Variants in CAD observed in about 807,000 individuals in gnomAD.
The protein encoded by CAD is multifunctional protein CAD.
A neutral mutation model predicts 237.2 loss-of-function variants in CAD; 81 were observed. That is an observed-to-expected ratio of 0.34 (90% confidence interval 0.29 to 0.41). CAD has a LOEUF of 0.41. CAD is among the 10% of genes least tolerant of loss of function. The pLI is 1.00. For missense variants in CAD, 2,181 were observed against 2,951.7 expected (o/e 0.74, Z 6.05); for synonymous variants, 1,196 against 1,162.8 (o/e 1.03, Z -0.58).
intron 12 of CAD, 53 bp from the exon 13 acceptor site, chr2:27,226,078 C>A: frequency 6.4e-7 from 1 of 1,567,574 alleles, no homozygotes; most frequent in South Asian, 1.1e-5. Flanking sequence ...GTGCAGCCTT[C>A]TGCCTCTCCT....
At chr2:27,234,385 A>C (rs1675904411) in intron 22 of CAD, 133 bp from the exon 23 acceptor site, 1 of 1,130,364 alleles carries the variant, frequency 8.8e-7, no homozygotes. Context: ...GTTGGGGCTT[A>C]TGACAGTCAG....
At chr2:27,220,480 C>T (rs1675105185) in intron 2 of CAD, among the ~76,000 whole-genome samples, 1 of 146,784 alleles carries the variant, frequency 6.8e-6, no homozygotes, top group African/African-American at 2.7e-5. Context: ...GAGACGCTGT[C>T]ACTACAAAAA....
chr2:27,221,688 G>A (rs553839841), intron 3 of CAD, among the ~76,000 whole-genome samples: 9 of 147,242 alleles, frequency 6.1e-5, no homozygotes, highest in South Asian at 4.3e-4. Context: ...TCATAATAAC[G>A]TCATACACTA....
Position 27,233,193 on chromosome 2 carries a change from C to G in CAD, c.2991+53C>G, listed in dbSNP as rs1675846522. 1 of 1,509,622 alleles carries G rather than the reference C, an allele frequency of 6.6e-7. No individual in the cohort carries two copies. The highest frequency in any genetic ancestry group is 1.4e-5 in the African/African-American group (1 of 72,874). 93.5% of individuals were successfully genotyped at this position (1,509,622 alleles called of 1,614,324 possible). ...CTTGAGTGGCCAGGGTCGAGTAGAA[C>G]AGCTGGCTGACCTAAGATTCTTTGA... On this transcript the variant is annotated intron_variant, in intron 19 of 43. Transcript: ENST00000264705. The surrounding 1 kb of genome is among the most constrained non-coding windows in gnomAD (Gnocchi z 6.3).
chr2:27,237,674 G>A lies in CAD; in HGVS notation c.4564-44G>A. On this transcript the variant is annotated intron_variant, in intron 28 of 43. Transcript: ENST00000264705. This position sits in a 1 kb window ranked among gnomAD's most constrained non-coding sequence, Gnocchi z 4.0. ...CCACTGGTGCCAGGCTAGCCTGTGT[G>A]GGCATGGGTGCCAGTGAGCCTTACC... The A allele has an allele frequency of 6.3e-7, 1 of 1,590,050 alleles. No individual in the cohort carries two copies. The highest frequency in any genetic ancestry group is 8.6e-7 in the Non-Finnish European group (1 of 1,166,130).
rs1384786559 is a variant in CAD, at chr2:27,243,883, C to T, written c.*365C>T. 5 of 214,866 alleles carry T rather than the reference C, an allele frequency of 2.3e-5. No individual in the cohort carries two copies. Among genetic ancestry groups the T allele is most frequent in the Non-Finnish European group, 3.7e-5 (4 of 106,890 alleles). 13.3% of individuals were successfully genotyped at this position (214,866 alleles called of 1,614,324 possible). A position where few individuals can be genotyped will look rare whatever the true frequency, so the allele number is the denominator to read the frequency against. ...CCAGGCAGGGCTCTGGCTAGGGCTG[C>T]GTGCCCACACTCGGCATTTTCACAC... On this transcript the variant is annotated 3_prime_UTR_variant, in exon 44 of 44. Coordinates refer to ENST00000264705, the MANE Select transcript of CAD (RefSeq NM_004341.5).
chr2:27,240,657 C>G lies in CAD; in HGVS notation c.5594-254C>G. On this transcript the variant is annotated intron_variant, in intron 35 of 43. Transcript: ENST00000264705. This position sits in a 1 kb window ranked among gnomAD's most constrained non-coding sequence, Gnocchi z 4.6. ...TTGGTTGGTGTGAGTCTGGCCGTTC[C>G]TCTTGCCTAGGATGCCTTTGCCAAC... 6.5e-7 allele frequency: 1 copy of G among 1,539,432 alleles called. No individual in the cohort carries two copies. Among genetic ancestry groups the G allele is most frequent in the East Asian group, 2.5e-5 (1 of 40,520 alleles).
At position 27,222,650 on chromosome 2, in the gene CAD, A is replaced by G. The variant is rs60463044; in HGVS notation, c.627A>G (p.Leu209=). Residue 209 remains leucine, a synonymous_variant, in exon 5 of 44, where the codon CTA becomes CTG. Transcript: ENST00000264705. Reference sequence around the variant, plus strand: ...CTGTGGTACCCTGGGACCATGCACTAGACAGCCAAGGTGAGTAGCTGGGGC... The same window carrying G: ...CTGTGGTACCCTGGGACCATGCACTGGACAGCCAAGGTGAGTAGCTGGGGC... ...EVTVVPWDHA[L]DSQEYEGLFL... 0.049 allele frequency: 78,432 copies of G among 1,613,450 alleles called. 2,112 individuals are homozygous for G. The highest frequency in any genetic ancestry group is 0.088 in the African/African-American group (6,579 of 74,974).
chr2:27,224,084 A>G (rs1572426265), intron 8 of CAD, 55 bp downstream of exon 8: 1 of 1,333,394 alleles, frequency 7.5e-7, no homozygotes, highest in Admixed American at 1.7e-5. Context: ...TGGCTCCAGG[A>G]TGGGCATAAG....
Position 27,236,917 on chromosome 2 carries a change from C to T in CAD, c.4396+87C>T. The T allele has an allele frequency of 9.1e-7, 1 of 1,093,156 alleles. No individual in the cohort carries two copies. The highest frequency in any genetic ancestry group is 1.4e-6 in the Non-Finnish European group (1 of 705,570). 67.7% of individuals were successfully genotyped at this position (1,093,156 alleles called of 1,614,324 possible). On this transcript the variant is annotated intron_variant, in intron 27 of 43. Coordinates refer to ENST00000264705, the MANE Select transcript of CAD (RefSeq NM_004341.5). This position sits in a 1 kb window ranked among gnomAD's most constrained non-coding sequence, Gnocchi z 4.1. ...GTGTGGTGAAGGATGGCTGGGGGGC[C>T]CACTCTTTGTCCTGGACTGCACAGA...
At chr2:27,225,554 C>CG (rs1558531189) in intron 11 of CAD, 151 bp from the exon 12 acceptor site, 10 of 636,682 alleles carry the variant, frequency 1.6e-5, no homozygotes, top group African/African-American at 7.3e-5. Flanking sequence ...GATCCACCCC[C>CG]CCGACCCTCG....
Position 27,231,535 on chromosome 2 carries a change from G to C in CAD, c.2355G>C (p.Glu785Asp), listed in dbSNP as rs748468111. The C allele has an allele frequency of 8.1e-6, 13 of 1,613,786 alleles. No homozygotes were observed. Among genetic ancestry groups the C allele is most frequent in the South Asian group, 1.1e-5 (1 of 91,070 alleles). The change falls in exon 16 of 44, where the codon GAG becomes GAC. Residue 785 changes from glutamate to aspartate, a missense_variant. Physicochemically the swap from Glu to Asp is conservative, Grantham distance 45 (BLOSUM62 2). Around this residue, in one of 12 missense-constraint regions of CAD, gnomAD observed 385 missense variants for 535.1 expected, o/e 0.72. Coordinates refer to ENST00000264705, the MANE Select transcript of CAD (RefSeq NM_004341.5). Reference sequence around the variant, plus strand: ...AGAAGGCCCTGCGCATGGTGGATGAGAACTGTGTGGGCTTTGATCACACAG... The same window carrying C: ...AGAAGGCCCTGCGCATGGTGGATGACAACTGTGTGGGCTTTGATCACACAG... ...AFQKALRMVD[E>D]NCVGFDHTVK... is the part of the protein sequence containing the mutation.
chr2:27,240,620 A>G lies in CAD; in HGVS notation c.5593+259A>G. 1 of 1,543,398 alleles carries G rather than the reference A, an allele frequency of 6.5e-7. No homozygotes were observed. Among genetic ancestry groups the G allele is most frequent in the Non-Finnish European group, 8.8e-7 (1 of 1,142,806 alleles). On this transcript the variant is annotated intron_variant, in intron 35 of 43. Coordinates refer to ENST00000264705, the MANE Select transcript of CAD (RefSeq NM_004341.5). The surrounding 1 kb of genome is among the most constrained non-coding windows in gnomAD (Gnocchi z 4.6). The stretch of plus-strand genomic sequence containing the variant: ...CCCACGGGGCAGCAGAGCGTGGGGT[A>G]AATCCAGGTTGTTGGTTGGTGTGAG...
Position 27,243,821 on chromosome 2 carries a change from A to C in CAD, c.*303A>C, listed in dbSNP as rs1676450939. ...TAGTAGAACAGAGCTTTCTTTTAGAAAATTGAGCAGATTCCCAAATTATAA... is the reference window on the plus strand; with the variant it reads ...TAGTAGAACAGAGCTTTCTTTTAGACAATTGAGCAGATTCCCAAATTATAA... On this transcript the variant is annotated 3_prime_UTR_variant, in exon 44 of 44. Coordinates refer to ENST00000264705, the MANE Select transcript of CAD (RefSeq NM_004341.5). 3.0e-6 allele frequency: 1 copy of C among 337,362 alleles called. No individual in the cohort carries two copies. Among genetic ancestry groups the C allele is most frequent in the African/African-American group, 2.1e-5 (1 of 47,462 alleles). 20.9% of individuals were successfully genotyped at this position (337,362 alleles called of 1,614,324 possible).
Position 27,234,619 on chromosome 2 carries a change from G to C in CAD, c.3720G>C (p.Arg1240=). The C allele has an allele frequency of 1.2e-6, 2 of 1,614,074 alleles. No individual in the cohort carries two copies. Among genetic ancestry groups the C allele is most frequent in the Non-Finnish European group, 1.7e-6 (2 of 1,179,964 alleles). ...TGGACCTAGTAGCCTTGGCCACGCG[G>C]GTCATCATGGGGGAAGAAGTGGAAC... The part of the protein sequence containing the change: ...LGVDLVALAT[R]VIMGEEVEPV... Residue 1240 remains arginine, a synonymous_variant, in exon 23 of 44, where the codon CGG becomes CGC. Transcript: ENST00000264705.
chr2:27,224,181 C>G (rs953191490), intron 8 of CAD, 152 bp downstream of exon 8: 15 of 919,206 alleles, frequency 1.6e-5, no homozygotes, highest in Non-Finnish European at 2.5e-5. Context: ...ACCGTTTAAG[C>G]TTCTGTTGAA....
At chr2:27,226,448 G>A (rs1675447451) in intron 13 of CAD, 77 bp from the exon 14 acceptor site, 1 of 1,571,510 alleles carries the variant, frequency 6.4e-7, no homozygotes, top group Non-Finnish European at 8.7e-7. Flanking sequence ...TCTTTACTAG[G>A]TTACTTTTCT....
chr2:27,221,967 A>G (rs188968805), intron 3 of CAD, among the ~76,000 whole-genome samples: 2 of 148,550 alleles, frequency 1.3e-5, no homozygotes, highest in African/African-American at 5.0e-5. Context: ...TTCCCTTTAT[A>G]TTATTTTCTA....
Position 27,242,515 on chromosome 2 carries a change from C to T in CAD, c.6222+88C>T, listed in dbSNP as rs537304903. The T allele has an allele frequency of 1.2e-5, 18 of 1,561,682 alleles. No homozygotes were observed. The South Asian group carries it at 1.9e-4, about 16-fold the overall frequency. ...TGGTTACCCCGGTACAGGACAGCTGCATCAAGGAGGCCTTCATTCTGCTCC... is the reference window on the plus strand; with the variant it reads ...TGGTTACCCCGGTACAGGACAGCTGTATCAAGGAGGCCTTCATTCTGCTCC... On this transcript the variant is annotated intron_variant, in intron 40 of 43. Coordinates refer to ENST00000264705, the MANE Select transcript of CAD (RefSeq NM_004341.5). This position sits in a 1 kb window ranked among gnomAD's most constrained non-coding sequence, Gnocchi z 6.4.
Sources: allele counts gnomAD v4.1 joint callset (sites outside exome capture counted in the v4.1 genomes callset), GRCh38; gene constraint gnomAD v4.1.1; regional missense constraint gnomAD v4.1.1; non-coding constraint Gnocchi (gnomAD v3.1); transcripts MANE v1.5; gene names NCBI Gene and HGNC (gene_info 2026-07-23, HGNC 2026-07-21).